OSBPL9: variants seen among roughly 807,000 people sequenced by gnomAD.
OSBPL9 encodes oxysterol-binding protein-related protein 9.
In OSBPL9, 40 loss-of-function variants were observed where a neutral mutation model predicts 106.6. The observed-to-expected ratio is 0.38, with a 90% CI of 0.29 to 0.49. The LOEUF (loss-of-function observed/expected upper bound fraction) is 0.49. Ranked by LOEUF, OSBPL9 falls within the 20% of genes least tolerant of loss-of-function variation. OSBPL9 has a pLI of 0.97. For missense variants in OSBPL9, 609 were observed against 887.2 expected, an observed-to-expected ratio of 0.69 and a Z score of 3.98; for synonymous variants, 269 against 295.4, an observed-to-expected ratio of 0.91 and a Z score of 0.92.
At chr1:51,701,091 C>G (rs1379198153) in intron 3 of OSBPL9, among the ~76,000 whole-genome samples, 1 of 152,136 alleles carries the variant, frequency 6.6e-6, no homozygotes. Context: ...AGGCACCCAC[C>G]ACCACGCCTG....
chr1:51,547,884 T>G, the OSBPL9 span, among the ~76,000 whole-genome samples: 1 of 151,438 alleles, frequency 6.6e-6, no homozygotes, highest in Non-Finnish European at 1.5e-5. Flanking sequence ...AAAATAAAAT[T>G]TAGAAGTGAC....
chr1:51,625,727 T>C (rs1644728915), intron 1 of OSBPL9, among the ~76,000 whole-genome samples: 1 of 152,142 alleles, frequency 6.6e-6, no homozygotes. Context: ...TTTCACCATG[T>C]TGGCCAGGCT....
intron 3 of OSBPL9, among the ~76,000 whole-genome samples, chr1:51,692,413 C>T (rs1655146805): frequency 6.6e-6 from 1 of 152,146 alleles, no homozygotes; most frequent in Non-Finnish European, 1.5e-5. Flanking sequence ...GCATTATAAC[C>T]ATACATGTCT....
intron 1 of OSBPL9, among the ~76,000 whole-genome samples, chr1:51,578,968 C>T (rs565238414): frequency 6.6e-6 from 1 of 152,170 alleles, no homozygotes; most frequent in African/African-American, 2.4e-5. Flanking sequence ...ATCTCTGTAT[C>T]TGTACTTCCC....
chr1:51,536,584 G>A, the OSBPL9 span, among the ~76,000 whole-genome samples: 3 of 152,262 alleles, frequency 2.0e-5, no homozygotes, highest in Admixed American at 6.5e-5. Flanking sequence ...TTCCCAAAGT[G>A]CTGGAATTTC....
Position 51,749,069 on chromosome 1 carries a change from G to A in OSBPL9, c.492+671G>A, listed in dbSNP as rs901663367. Among the ~76,000 whole-genome samples, 3 of 151,378 alleles carry A rather than the reference G, an allele frequency of 2.0e-5. No homozygotes were observed. In the South Asian group the frequency reaches 6.2e-4, roughly 31 times the overall value. ...CATTGCACTCCAGCCTGGGCAACAA[G>A]AGCGAAACTGTGTCTCAAAAAAAAA... On this transcript the variant is annotated intron_variant, in intron 7 of 23. Transcript: ENST00000428468.
At chr1:51,684,052 A>G (rs1653213047) in intron 3 of OSBPL9, among the ~76,000 whole-genome samples, 1 of 152,096 alleles carries the variant, frequency 6.6e-6, no homozygotes, top group African/African-American at 2.4e-5. Context: ...CACCGAGGCT[A>G]GAGAGCAGTG....
chr1:51,631,860 T>C (rs1224975765), intron 1 of OSBPL9, among the ~76,000 whole-genome samples: 1 of 152,224 alleles, frequency 6.6e-6, no homozygotes, highest in East Asian at 1.9e-4. Context: ...CATAATTTTC[T>C]CACTGATAGA....
chr1:51,685,277 C>T (rs1653517004), intron 3 of OSBPL9, among the ~76,000 whole-genome samples: 1 of 152,108 alleles, frequency 6.6e-6, no homozygotes, highest in African/African-American at 2.4e-5. Flanking sequence ...AGTTCTCAGA[C>T]CCAGGTTAAA....
chr1:51,730,124 G>A, intron 4 of OSBPL9: 1 of 1,248,462 alleles, frequency 8.0e-7, no homozygotes, highest in Non-Finnish European at 1.0e-6. Context: ...CGCCCCCTGG[G>A]GTGAGTAGGA....
chr1:51,683,155 G>A (rs1404981519), intron 3 of OSBPL9, among the ~76,000 whole-genome samples: 2 of 151,210 alleles, frequency 1.3e-5, no homozygotes, highest in East Asian at 2.0e-4. Context: ...GACTACAGGC[G>A]TGAACCACCA....
intron 3 of OSBPL9, among the ~76,000 whole-genome samples, chr1:51,691,597 G>T (rs1268644511): frequency 6.6e-6 from 1 of 151,940 alleles, no homozygotes; most frequent in Non-Finnish European, 1.5e-5. Context: ...TTAGCTTGCT[G>T]TAACTTTTTT....
At chr1:51,662,358 A>G (rs1159431951) in intron 2 of OSBPL9, among the ~76,000 whole-genome samples, 2 of 152,154 alleles carry the variant, frequency 1.3e-5, no homozygotes, top group Non-Finnish European at 2.9e-5. Flanking sequence ...AGAGACAGAA[A>G]TTGAAAATTG....
intron 1 of OSBPL9, among the ~76,000 whole-genome samples, chr1:51,592,952 C>T (rs902028557): frequency 1.3e-4 from 20 of 152,234 alleles, no homozygotes; most frequent in African/African-American, 4.6e-4. Flanking sequence ...AGCTAGCAGT[C>T]ACAAGATTAG....
rs1677072888 is a variant in OSBPL9 at position 51,784,215 on chromosome 1, G to A, written c.1625-49G>A. On this transcript the variant is annotated intron_variant, in intron 18 of 23. Coordinates refer to ENST00000428468, the MANE Select transcript of OSBPL9 (RefSeq NM_024586.6). ...ACCATCAGCTCGACAAGAAAGCCTT[G>A]TGGCCACTTGGCACTACTCATCAGA... 3.2e-6 allele frequency: 5 copies of A among 1,573,540 alleles called. No individual in the cohort carries two copies. The South Asian group carries it at 3.3e-5, about 10-fold the overall frequency.
intron 1 of OSBPL9, among the ~76,000 whole-genome samples, chr1:51,638,064 T>C (rs937900129): frequency 3.3e-5 from 5 of 152,202 alleles, no homozygotes; most frequent in African/African-American, 1.2e-4. Context: ...TGTTTTGATA[T>C]ATGTCTCTTT....
chr1:51,724,491 G>A (rs1186465276), intron 4 of OSBPL9, among the ~76,000 whole-genome samples: 1 of 151,810 alleles, frequency 6.6e-6, no homozygotes, highest in African/African-American at 2.4e-5. Context: ...CCACCATGTT[G>A]GCCAGGCTGG....
At chr1:51,677,731 G>A (rs12044849) in intron 3 of OSBPL9, among the ~76,000 whole-genome samples, 36,456 of 151,652 alleles carry the variant, frequency 0.24, 6,054 homozygotes, top group African/African-American at 0.46. Context: ...TTGTATTTTT[G>A]GTAGAGACGG....
intron 1 of OSBPL9, among the ~76,000 whole-genome samples, chr1:51,645,203 A>G (rs978550387): frequency 6.6e-6 from 1 of 152,204 alleles, no homozygotes; most frequent in Non-Finnish European, 1.5e-5. Flanking sequence ...GTATTCTGTT[A>G]TAGTAGCACA....
Sources: gnomAD v4.1 joint callset for allele counts (sites outside exome capture counted in the v4.1 genomes callset) on GRCh38, gnomAD v4.1.1 for gene constraint, MANE v1.5 for transcripts, NCBI Gene and HGNC (gene_info 2026-07-23, HGNC 2026-07-21) for gene names.